The following NRG1 variants were observed in gnomAD, a reference collection of about 807,000 sequenced individuals.
The protein encoded by NRG1 is pro-neuregulin-1, membrane-bound isoform.
Under a neutral mutation model 63.8 loss-of-function variants are expected in NRG1, and 18 were observed. That is an observed-to-expected ratio of 0.28 (90% confidence interval 0.19 to 0.42). The LOEUF (loss-of-function observed/expected upper bound fraction) is 0.42, where lower values mean the gene tolerates loss of function less well. NRG1 is among the 10% of genes least tolerant of loss of function. The pLI, the probability that NRG1 is intolerant of heterozygous loss-of-function variation, is 1.00. For synonymous variants in NRG1, 302 were observed against 301.3 expected (o/e 1.00, Z -0.02); for missense variants, 762 against 814.7 (o/e 0.94, Z 0.79).
intron 1 of NRG1, among the ~76,000 whole-genome samples, chr8:32,424,358 T>C (rs1178774301): frequency 6.6e-6 from 1 of 152,128 alleles, no homozygotes; most frequent in Non-Finnish European, 1.5e-5. Flanking sequence ...TCACTATGGC[T>C]TCTCAGAGCA....
chr8:32,553,037 G>A (rs1337679108), intron 1 of NRG1, among the ~76,000 whole-genome samples: 2 of 152,180 alleles, frequency 1.3e-5, no homozygotes, highest in African/African-American at 4.8e-5. Context: ...CTTGCTATTA[G>A]GCAGCAAGAT....
chr8:31,800,738 G>A (rs1434308961), intron 1 of NRG1, among the ~76,000 whole-genome samples: 14 of 150,890 alleles, frequency 9.3e-5, no homozygotes, highest in African/African-American at 4.9e-5. Context: ...GGAAAAATGA[G>A]GAAAAAAATA....
chr8:32,421,948 G>C (rs541273460), intron 1 of NRG1, among the ~76,000 whole-genome samples: 1 of 152,138 alleles, frequency 6.6e-6, no homozygotes, highest in African/African-American at 2.4e-5. Context: ...GTACAGACAG[G>C]CATAACAGAA....
At chr8:32,025,940 C>T (rs1002814098) in intron 1 of NRG1, among the ~76,000 whole-genome samples, 2 of 121,782 alleles carry the variant, frequency 1.6e-5, no homozygotes, top group Admixed American at 9.2e-5. Context: ...AGCGAGACTC[C>T]GTCTAAAAAA....
At chr8:32,157,898 C>T (rs532826354) in intron 1 of NRG1, among the ~76,000 whole-genome samples, 3 of 152,130 alleles carry the variant, frequency 2.0e-5, no homozygotes, top group Admixed American at 6.5e-5. Context: ...GGACAGGAAA[C>T]GGCACGGCTT....
chr8:32,258,059 A>G (rs906207082), intron 1 of NRG1, among the ~76,000 whole-genome samples: 4 of 152,206 alleles, frequency 2.6e-5, no homozygotes, highest in African/African-American at 9.6e-5. Context: ...TATCAACAGA[A>G]TAAGAAACTC....
chr8:32,239,084 G>T (rs2129469544), intron 1 of NRG1, among the ~76,000 whole-genome samples: 1 of 152,040 alleles, frequency 6.6e-6, no homozygotes, highest in East Asian at 1.9e-4. Context: ...TCTATTCCTT[G>T]GTTTCTTCAC....
At chr8:31,854,609 C>T (rs1418484631) in intron 1 of NRG1, among the ~76,000 whole-genome samples, 1 of 151,874 alleles carries the variant, frequency 6.6e-6, no homozygotes, top group Non-Finnish European at 1.5e-5. Flanking sequence ...GTCTCTATTT[C>T]CTTCAGTTCT....
intron 1 of NRG1, among the ~76,000 whole-genome samples, chr8:31,948,721 A>AG (rs1159594038): frequency 1.1e-4 from 17 of 152,158 alleles, no homozygotes. Context: ...CTCTTGTGAG[A>AG]GTCAATAAAG....
intron 1 of NRG1, among the ~76,000 whole-genome samples, chr8:32,029,819 T>G (rs1419091691): frequency 6.8e-6 from 1 of 148,016 alleles, no homozygotes; most frequent in African/African-American, 2.5e-5. Context: ...CAATAATAAT[T>G]ATGTTTAAAA....
chr8:32,189,641 G>T (rs1473515725), intron 1 of NRG1, among the ~76,000 whole-genome samples: 1 of 152,174 alleles, frequency 6.6e-6, no homozygotes, highest in Non-Finnish European at 1.5e-5. Flanking sequence ...GGGTGGGGCT[G>T]CCCAAAGATA....
chr8:32,546,417 G>A (rs752193410), upstream of NRG1, among the ~76,000 whole-genome samples: 6 of 152,022 alleles, frequency 3.9e-5, no homozygotes, highest in Admixed American at 6.6e-5. Flanking sequence ...ATATGTGGTA[G>A]TGTATACTAA....
At position 32,076,459 on chromosome 8, in the gene NRG1, C is replaced by T. The variant is rs112859578; in HGVS notation, c.37+437028C>T. Among the ~76,000 whole-genome samples, 4 of 151,974 alleles carry T rather than the reference C, an allele frequency of 2.6e-5. No individual in the cohort carries two copies. The East Asian group carries it at 5.8e-4, about 22-fold the overall frequency. ...GTGTTTCAGCATGTTATTCTGTTAA[C>T]ATAGTTCACGTTGAGTGTTTGTATT... On this transcript the variant is annotated intron_variant, in intron 1 of 10. Transcript: ENST00000519301.
intron 1 of NRG1, among the ~76,000 whole-genome samples, chr8:32,199,900 C>T (rs1842653): frequency 0.072 from 10,960 of 152,200 alleles, 462 homozygotes; most frequent in African/African-American, 0.11. Context: ...CTGCCTCAGC[C>T]TCCTGAGTAG....
At chr8:32,412,436 A>ATG (rs1225606818) in intron 1 of NRG1, among the ~76,000 whole-genome samples, 3 of 42,126 alleles carry the variant, frequency 7.1e-5, no homozygotes, top group African/African-American at 1.9e-4. Flanking sequence ...ATATATATAT[A>ATG]TATATATATA....
intron 1 of NRG1, among the ~76,000 whole-genome samples, chr8:31,881,864 C>A (rs1288020363): frequency 6.6e-6 from 1 of 152,114 alleles, no homozygotes. Flanking sequence ...TGGAACCTGG[C>A]AGAGGTTGGT....
chr8:31,942,494 C>T (rs1801896350), intron 1 of NRG1, among the ~76,000 whole-genome samples: 1 of 151,838 alleles, frequency 6.6e-6, no homozygotes, highest in Non-Finnish European at 1.5e-5. Context: ...CTTAAATGAC[C>T]AAGAACCCAA....
intron 1 of NRG1, among the ~76,000 whole-genome samples, chr8:32,395,757 G>T (rs1007604299): frequency 4.6e-5 from 7 of 152,022 alleles, no homozygotes; most frequent in Admixed American, 2.6e-4. Context: ...AGTTTATCAA[G>T]TTTTTTCTTT....
chr8:32,292,930 C>G (rs1854374355), intron 1 of NRG1, among the ~76,000 whole-genome samples: 2 of 151,950 alleles, frequency 1.3e-5, no homozygotes, highest in Admixed American at 1.3e-4. Flanking sequence ...ATGGTGAAAC[C>G]CCGTCTCTAC....
Sources: allele counts gnomAD v4.1 joint callset (sites outside exome capture counted in the v4.1 genomes callset), GRCh38; gene constraint gnomAD v4.1.1; transcripts MANE v1.5; gene names NCBI Gene and HGNC (gene_info 2026-07-23, HGNC 2026-07-21).